Variants in WDR7 observed in about 807,000 individuals in gnomAD.
WDR7 encodes the protein WD repeat-containing protein 7.
A neutral mutation model predicts 169.4 loss-of-function variants in WDR7; 46 were observed. That is an observed-to-expected ratio of 0.27 (90% confidence interval 0.21 to 0.35). The LOEUF (loss-of-function observed/expected upper bound fraction) is 0.35, where lower values mean the gene tolerates loss of function less well. WDR7 is among the 10% of genes least tolerant of loss of function. The pLI is 1.00. For missense variants in WDR7, 1,534 were observed against 1,859.3 expected (o/e 0.83, Z 3.22); for synonymous variants, 612 against 666.8 (o/e 0.92, Z 1.27).
At chr18:56,828,413 G>A (rs2045248968) in intron 20 of WDR7, among the ~76,000 whole-genome samples, 1 of 152,184 alleles carries the variant, frequency 6.6e-6, no homozygotes, top group African/African-American at 2.4e-5. Flanking sequence ...CAATGGTGAA[G>A]TGAGGGGTAA....
intron 21 of WDR7, among the ~76,000 whole-genome samples, chr18:56,902,459 G>A (rs2046416557): frequency 3.3e-5 from 5 of 152,038 alleles, no homozygotes; most frequent in Admixed American, 3.3e-4. Flanking sequence ...AAATGTTATT[G>A]TCTTATTTAG....
chr18:56,827,863 A>G (rs1355361371), intron 20 of WDR7, among the ~76,000 whole-genome samples: 4 of 152,146 alleles, frequency 2.6e-5, no homozygotes, highest in African/African-American at 9.7e-5. Context: ...GAAAAATTTA[A>G]AAAAAACAGC....
intron 21 of WDR7, among the ~76,000 whole-genome samples, chr18:56,911,143 A>C (rs551822181): frequency 6.6e-6 from 1 of 152,280 alleles, no homozygotes; most frequent in African/African-American, 2.4e-5. Context: ...AGTTCCCATT[A>C]ACACAGCCAC....
At chr18:56,794,302 C>CTTTTT (rs1217568621) in intron 19 of WDR7, among the ~76,000 whole-genome samples, 1 of 29,466 alleles carries the variant, frequency 3.4e-5, no homozygotes, top group Admixed American at 5.2e-4. Context: ...AAGGTAAAGT[C>CTTTTT]TATTTTTTTT....
In WDR7 at chr18:57,027,012, G is replaced by T. The variant is rs781398550; in HGVS notation, c.4278G>T (p.Thr1426=). The T allele has an allele frequency of 1.9e-6, 3 of 1,613,808 alleles. No individual in the cohort carries two copies. The highest frequency in any genetic ancestry group is 1.7e-5 in the Admixed American group (1 of 60,000). ...CTCTCCTGTCCCTCCAGATGAACAC[G>T]TCACTGCTGGGAAGCATCGGCATGC... ...DSHISFWQMN[T]SLLGSIGMLN... The change falls in exon 28 of 28, where the codon ACG becomes ACT. Residue 1426 remains threonine (T), a synonymous_variant. Coordinates refer to ENST00000254442, the MANE Select transcript of WDR7 (RefSeq NM_015285.3).
intron 20 of WDR7, among the ~76,000 whole-genome samples, chr18:56,817,479 A>G (rs968088784): frequency 1.3e-5 from 2 of 152,162 alleles, no homozygotes; most frequent in Admixed American, 6.5e-5. Flanking sequence ...AAATTTACAA[A>G]GTGTATATTT....
At chr18:56,820,070 A>C (rs2045061112) in intron 20 of WDR7, among the ~76,000 whole-genome samples, 1 of 151,978 alleles carries the variant, frequency 6.6e-6, no homozygotes, top group South Asian at 2.1e-4. Context: ...AGTTAATTTT[A>C]TGTGTCTTTT....
Position 56,757,361 on chromosome 18 carries a change from A to C in WDR7, c.2759+9A>C. ...AAGAAGGGTCCTACCAGGTGTGACC[A>C]TGATAGTTTGATTTTATTCTTAAGT... On this transcript the variant is annotated intron_variant, in intron 15 of 27. Transcript: ENST00000254442. 1 of 1,542,246 alleles carries C rather than the reference A, an allele frequency of 6.5e-7. No individual in the cohort carries two copies. Among genetic ancestry groups the C allele is most frequent in the Non-Finnish European group, 8.7e-7 (1 of 1,144,128 alleles).
intron 19 of WDR7, among the ~76,000 whole-genome samples, chr18:56,804,118 C>T (rs993330007): frequency 6.6e-6 from 1 of 152,170 alleles, no homozygotes. Context: ...TAATGTATGA[C>T]ATATCACTGT....
At chr18:56,892,029 C>T (rs894074032) in intron 21 of WDR7, among the ~76,000 whole-genome samples, 1 of 152,108 alleles carries the variant, frequency 6.6e-6, no homozygotes, top group African/African-American at 2.4e-5. Context: ...CGATCTGACA[C>T]TTACATTATA....
rs1172748191 is a variant in WDR7 at position 56,666,923 on chromosome 18, C to T, written c.-19-5574C>T. On this transcript the variant is annotated intron_variant, in intron 1 of 27. Coordinates refer to ENST00000254442, the MANE Select transcript of WDR7 (RefSeq NM_015285.3). ...TTTTTTTTTTTGTCAATTACAAAAG[C>T]GTTTCTTTTTTAAATGCTTAAATAT... 4.8e-5 allele frequency among the ~76,000 whole-genome samples: 7 copies of T among 146,392 alleles called. No individual in the cohort carries two copies. The Admixed American group carries it at 4.8e-4, about 10-fold the overall frequency.
chr18:56,905,774 C>T (rs758105841), intron 21 of WDR7, among the ~76,000 whole-genome samples: 25 of 151,880 alleles, frequency 1.6e-4, no homozygotes, highest in Non-Finnish European at 2.9e-4. Flanking sequence ...AATAAAAAGA[C>T]AATACTAACT....
At chr18:56,853,533 CG>C (rs2045672727) in intron 20 of WDR7, among the ~76,000 whole-genome samples, 1 of 152,070 alleles carries the variant, frequency 6.6e-6, no homozygotes, top group African/African-American at 2.4e-5. Context: ...AAATATATTT[CG>C]TTTAATCAGT....
intron 1 of WDR7, among the ~76,000 whole-genome samples, chr18:56,653,716 T>A (rs2024706184): frequency 6.6e-6 from 1 of 152,238 alleles, no homozygotes. Flanking sequence ...ATTGCTGTTC[T>A]TTGCTTCCAA....
intron 20 of WDR7, among the ~76,000 whole-genome samples, chr18:56,828,258 T>A (rs769637129): frequency 1.2e-4 from 19 of 152,252 alleles, no homozygotes; most frequent in Admixed American, 6.5e-5. Flanking sequence ...TAAACACTTT[T>A]ATATTGATTT....
intron 1 of WDR7, among the ~76,000 whole-genome samples, chr18:56,658,205 G>A (rs750634170): frequency 3.9e-5 from 6 of 152,150 alleles, no homozygotes; most frequent in Non-Finnish European, 7.3e-5. Context: ...CCCGGTTCAA[G>A]CAATTTTTCT....
At chr18:56,887,419 TATGGG>T in intron 21 of WDR7, among the ~76,000 whole-genome samples, 1 of 152,288 alleles carries the variant, frequency 6.6e-6, no homozygotes, top group African/African-American at 2.4e-5. Flanking sequence ...AAGGACTAGA[TATGGG>T]AAGGGAAGAC....
chr18:56,865,857 T>G (rs2045876165), intron 20 of WDR7, among the ~76,000 whole-genome samples: 1 of 152,184 alleles, frequency 6.6e-6, no homozygotes, highest in African/African-American at 2.4e-5. Flanking sequence ...TTTCTACATT[T>G]TTTAGATAGC....
At chr18:56,800,976 ATATG>A in intron 19 of WDR7, among the ~76,000 whole-genome samples, 1 of 152,250 alleles carries the variant, frequency 6.6e-6, no homozygotes, top group African/African-American at 2.4e-5. Context: ...ACTGGGAAAC[ATATG>A]TATGTGCACT....
Sources: gnomAD v4.1 joint callset for allele counts (sites outside exome capture counted in the v4.1 genomes callset) on GRCh38, gnomAD v4.1.1 for gene constraint, MANE v1.5 for transcripts, NCBI Gene and HGNC (gene_info 2026-07-23, HGNC 2026-07-21) for gene names.